PDXDC1: variants seen among roughly 807,000 people sequenced by gnomAD.
The protein encoded by PDXDC1 is pyridoxal-dependent decarboxylase domain-containing protein 1.
In PDXDC1, 42 loss-of-function variants were observed where a neutral mutation model predicts 100.1. The ratio of observed to expected loss-of-function variants is 0.42; its 90% CI spans 0.33 to 0.54. PDXDC1 has a LOEUF of 0.54. Ranked by LOEUF, PDXDC1 falls within the 20% of genes least tolerant of loss-of-function variation. The pLI is 0.10. For synonymous variants in PDXDC1, 260 were observed against 371.7 expected (o/e 0.70, Z 3.46); for missense variants, 636 against 979.2 (o/e 0.65, Z 4.68).
At chr16:14,980,988 G>A (rs1280704312) in intron 1 of PDXDC1, among the ~76,000 whole-genome samples, 5 of 152,286 alleles carry the variant, frequency 3.3e-5, no homozygotes, top group Admixed American at 1.3e-4. Flanking sequence ...GTAAGATGTG[G>A]CCCCTGCAGG....
intron 1 of PDXDC1, among the ~76,000 whole-genome samples, chr16:14,978,580 A>AG (rs1378804947): frequency 1.3e-5 from 2 of 152,262 alleles, no homozygotes; most frequent in African/African-American, 4.8e-5. Flanking sequence ...TTTGTTCTCG[A>AG]GACAAGGTCT....
intron 16 of PDXDC1, among the ~76,000 whole-genome samples, chr16:15,066,955 C>T (rs1390394503): frequency 5.3e-5 from 8 of 151,914 alleles, no homozygotes; most frequent in Non-Finnish European, 7.4e-5. Flanking sequence ...AAATGCAGTC[C>T]TCTGTCCCCA....
intron 16 of PDXDC1, among the ~76,000 whole-genome samples, chr16:15,096,738 A>G (rs1458851572): frequency 6.6e-6 from 1 of 152,274 alleles, no homozygotes; most frequent in Non-Finnish European, 1.5e-5. Context: ...GTTAGAGCGC[A>G]ATGGCGCGAT....
chr16:15,079,069 C>G (rs2045586719), intron 16 of PDXDC1, among the ~76,000 whole-genome samples: 1 of 152,146 alleles, frequency 6.6e-6, no homozygotes, highest in Non-Finnish European at 1.5e-5. Flanking sequence ...CTCGGCCTCC[C>G]AAAGTGCTGG....
intron 16 of PDXDC1, among the ~76,000 whole-genome samples, chr16:15,091,587 T>G (rs2046131218): frequency 6.6e-6 from 1 of 151,854 alleles, no homozygotes; most frequent in African/African-American, 2.4e-5. Flanking sequence ...TAAACTACAT[T>G]TAGCTATACT....
chr16:14,990,864 C>T (rs1315617111), intron 1 of PDXDC1, among the ~76,000 whole-genome samples: 1 of 152,300 alleles, frequency 6.6e-6, no homozygotes, highest in Non-Finnish European at 1.5e-5. Context: ...CCTCAGCCTT[C>T]CGAGTACCTA....
chr16:15,024,442 T>C lies in PDXDC1; in HGVS notation c.1140+1688T>C, dbSNP rs1431212075. ...TTTTTTTTGAGACAGAGTCTCACTA[T>C]GTAGCCCAGACTGGAGTGCAGTGGT... On this transcript the variant is annotated intron_variant, in intron 13 of 22. Coordinates refer to ENST00000396410, the MANE Select transcript of PDXDC1 (RefSeq NM_015027.4). 3.4e-5 allele frequency among the ~76,000 whole-genome samples: 5 copies of C among 147,158 alleles called. No homozygotes were observed. In the East Asian group the frequency reaches 8.2e-4, roughly 24 times the overall value.
intron 8 of PDXDC1, among the ~76,000 whole-genome samples, chr16:15,014,968 T>G (rs7188251): frequency 3.3e-5 from 5 of 152,126 alleles, no homozygotes; most frequent in Admixed American, 3.3e-4. Flanking sequence ...GCTGGAGTCT[T>G]GCTTTGTTGC....
intron 16 of PDXDC1, among the ~76,000 whole-genome samples, chr16:15,063,716 A>AAG (rs1555454459): frequency 2.6e-5 from 4 of 151,140 alleles, no homozygotes; most frequent in African/African-American, 7.3e-5. Context: ...AAAAAAAAAA[A>AAG]AAAAAAGAAA....
intron 16 of PDXDC1, among the ~76,000 whole-genome samples, chr16:15,081,264 T>C (rs959829518): frequency 5.9e-5 from 9 of 152,220 alleles, no homozygotes; most frequent in African/African-American, 2.2e-4. Flanking sequence ...ACGTGTTAAT[T>C]CTACATTTAA....
chr16:15,094,108 G>C (rs768386879), intron 16 of PDXDC1: 26 of 1,546,668 alleles, frequency 1.7e-5, no homozygotes, highest in Non-Finnish European at 2.2e-5. Flanking sequence ...CTGAGCTTTC[G>C]TCCCAGATAC....
chr16:15,076,385 T>C, intron 16 of PDXDC1: 1 of 628,622 alleles, frequency 1.6e-6, no homozygotes, highest in Non-Finnish European at 2.9e-6. Context: ...ATAGACCAAC[T>C]ATGCTAAGTG....
intron 16 of PDXDC1, among the ~76,000 whole-genome samples, chr16:15,084,037 T>G (rs567731039): frequency 2.6e-5 from 4 of 152,206 alleles, no homozygotes; most frequent in African/African-American, 9.6e-5. Context: ...TTACAATGTA[T>G]AGCTTCTGAG....
intron 16 of PDXDC1, among the ~76,000 whole-genome samples, chr16:15,091,975 G>A (rs533064839): frequency 6.6e-5 from 10 of 152,210 alleles, no homozygotes; most frequent in East Asian, 3.9e-4. Context: ...TCAGGAGTTC[G>A]AGACCAGCCT....
chr16:15,037,972 C>CCAGCCCCACCAAT lies in PDXDC1; in HGVS notation c.*1698_*1710dup. ...TGTAGGATCCAGATCTGGATTCGTG[C>CCAGCCCCACCAAT]CAGCCCCACCAATGGTCTGTCAGGC... On this transcript the variant is annotated 3_prime_UTR_variant, in exon 23 of 23. Transcript: ENST00000396410. The CCAGCCCCACCAAT allele has an allele frequency of 7.6e-7, 1 of 1,320,116 alleles. No homozygotes were observed. Among genetic ancestry groups the CCAGCCCCACCAAT allele is most frequent in the African/African-American group, 1.5e-5 (1 of 68,798 alleles). The allele number at this position is 1,320,116 out of a possible 1,614,324, so 81.8% of individuals were successfully genotyped here.
intron 16 of PDXDC1, chr16:15,076,384 C>T (rs1451843215): frequency 1.6e-6 from 1 of 627,506 alleles, no homozygotes; most frequent in Non-Finnish European, 2.9e-6. Flanking sequence ...AATAGACCAA[C>T]TATGCTAAGT....
At chr16:15,073,698 G>T (rs1394421184) in intron 16 of PDXDC1, among the ~76,000 whole-genome samples, 2 of 152,102 alleles carry the variant, frequency 1.3e-5, no homozygotes, top group East Asian at 3.8e-4. Flanking sequence ...TGAATATATA[G>T]GCACAAGTAT....
rs208651 is a variant in PDXDC1, at chr16:15,125,237, T to G, written c.1400-13642T>G. ...AAGGAGAGACCCAGTAAGTGGGGGT[T>G]GTGCCGCAGATTGCTACCCACAATG... On this transcript the variant is annotated intron_variant, in intron 16 of 16. Transcript: ENST00000535621. The G allele has an allele frequency of 5.3e-6, 3 of 560,898 alleles. No individual in the cohort carries two copies. The East Asian group carries it at 8.9e-5, about 17-fold the overall frequency. The allele number at this position is 560,898 out of a possible 1,614,324, so 34.7% of individuals were successfully genotyped here.
intron 16 of PDXDC1, chr16:15,135,170 A>C: frequency 1.2e-6 from 1 of 854,276 alleles, no homozygotes; most frequent in African/African-American, 1.6e-5. Flanking sequence ...CATCAGAAAC[A>C]GAGAGGGAAG....
Sources: allele counts gnomAD v4.1 joint callset (sites outside exome capture counted in the v4.1 genomes callset), GRCh38; gene constraint gnomAD v4.1.1; transcripts MANE v1.5; gene names NCBI Gene and HGNC (gene_info 2026-07-23, HGNC 2026-07-21).